Variants in NEBL observed in about 807,000 individuals in gnomAD.
NEBL encodes the protein LIM and SH3 protein 2.
NEBL carries 122 observed loss-of-function variants against 140.2 expected under a neutral mutation model. The observed-to-expected ratio is 0.87, with a 90% confidence interval of 0.75 to 1.01. NEBL has a LOEUF of 1.01. Among genes scored for constraint, NEBL ranks in the 50% least tolerant of loss-of-function variants. The pLI, the probability that NEBL is intolerant of heterozygous loss-of-function variation, is 0.00. For synonymous variants in NEBL, 436 were observed against 398.9 expected (o/e 1.09, Z -1.11); for missense variants, 1,365 against 1,231.3 (o/e 1.11, Z -1.62).
chr10:21,195,736 A>G (rs984890940), intron 3 of NEBL, among the ~76,000 whole-genome samples: 1 of 152,236 alleles, frequency 6.6e-6, no homozygotes, highest in African/African-American at 2.4e-5. Context: ...GTCAAGTTTA[A>G]AATAATCACA....
intron 3 of NEBL, among the ~76,000 whole-genome samples, chr10:21,208,808 C>T (rs1397772526): frequency 6.6e-6 from 1 of 152,134 alleles, no homozygotes; most frequent in African/African-American, 2.4e-5. Flanking sequence ...ACTGCAGGGG[C>T]CTGGGAAAAC....
chr10:20,845,122 G>T, intron 12 of NEBL, 136 bp downstream of exon 12: 1 of 605,170 alleles, frequency 1.7e-6, no homozygotes, highest in East Asian at 2.8e-5. Flanking sequence ...CACTTTATTA[G>T]TGAAGATCAA....
intron 3 of NEBL, among the ~76,000 whole-genome samples, chr10:21,183,516 G>A (rs1263551012): frequency 1.3e-5 from 2 of 152,116 alleles, no homozygotes; most frequent in African/African-American, 4.8e-5. Flanking sequence ...GCCCAGAAGT[G>A]AACAAAAACC....
intron 26 of NEBL, among the ~76,000 whole-genome samples, chr10:20,801,768 A>G (rs1837146836): frequency 6.6e-6 from 1 of 152,134 alleles, no homozygotes; most frequent in Non-Finnish European, 1.5e-5. Context: ...GCTATGAACA[A>G]TAAACTGAGA....
rs1272793757 is a variant in NEBL at position 20,783,379 on chromosome 10, A to G, written c.*2368T>C. The G allele has an allele frequency of 4.6e-5, 7 of 152,224 alleles. No homozygotes were observed. The highest frequency in any genetic ancestry group is 1.0e-4 in the Non-Finnish European group (7 of 68,042). The allele number at this position is 152,224 out of a possible 1,614,324, so 9.4% of individuals were successfully genotyped here. A position where few individuals can be genotyped will look rare whatever the true frequency, so the allele number is the denominator to read the frequency against. ...ACTACCCTTTAGTTAAATTCTGATC[A>G]GATCTTAATTCCTAAAGGCTTGAAG... On this transcript the variant is annotated 3_prime_UTR_variant, in exon 28 of 28. Transcript: ENST00000377122.
At chr10:20,823,906 G>A (rs765328272) in intron 18 of NEBL, among the ~76,000 whole-genome samples, 26 of 152,076 alleles carry the variant, frequency 1.7e-4, no homozygotes, top group East Asian at 5.8e-4. Flanking sequence ...GAAGGTCAGC[G>A]CCAGGAAGTC....
At chr10:21,197,115 G>GA (rs1304342161) in intron 3 of NEBL, among the ~76,000 whole-genome samples, 1 of 152,042 alleles carries the variant, frequency 6.6e-6, no homozygotes, top group Middle Eastern at 3.2e-3. Flanking sequence ...TTCCACTTGT[G>GA]AAAAAAATGG....
chr10:20,811,969 A>C (rs1838193785), intron 24 of NEBL, among the ~76,000 whole-genome samples: 1 of 152,154 alleles, frequency 6.6e-6, no homozygotes, highest in South Asian at 2.1e-4. Context: ...TCCTTCTAGG[A>C]TTTCTCCTGA....
chr10:20,814,420 AC>A (rs1178710641), intron 22 of NEBL, among the ~76,000 whole-genome samples: 4 of 150,728 alleles, frequency 2.7e-5, no homozygotes, highest in African/African-American at 7.3e-5. Context: ...GCACAGTGAA[AC>A]CCCCCATCTC....
intron 4 of NEBL, among the ~76,000 whole-genome samples, chr10:20,906,201 A>G (rs986004954): frequency 2.6e-5 from 4 of 152,210 alleles, no homozygotes; most frequent in African/African-American, 9.6e-5. Flanking sequence ...ACATTTCTAT[A>G]ATTACAGCTT....
intron 3 of NEBL, among the ~76,000 whole-genome samples, chr10:20,989,859 G>T (rs918899841): frequency 1.3e-5 from 2 of 152,108 alleles, no homozygotes; most frequent in Non-Finnish European, 2.9e-5. Context: ...AAAATTCAAA[G>T]AGTCAGTAAA....
At chr10:20,923,099 C>T (rs143500746) in intron 4 of NEBL, among the ~76,000 whole-genome samples, 1,583 of 152,136 alleles carry the variant, frequency 0.01, 22 homozygotes, top group African/African-American at 0.036. Flanking sequence ...GACAGGGTCT[C>T]GCTCTGTCAC....
At chr10:21,211,157 A>C (rs1841909156) in intron 3 of NEBL, among the ~76,000 whole-genome samples, 1 of 152,152 alleles carries the variant, frequency 6.6e-6, no homozygotes, top group African/African-American at 2.4e-5. Context: ...TAGGAAAGGA[A>C]AGGAAAATCC....
intron 7 of NEBL, among the ~76,000 whole-genome samples, chr10:20,863,709 G>A (rs946155736): frequency 1.3e-5 from 2 of 150,890 alleles, no homozygotes; most frequent in South Asian, 2.1e-4. Context: ...CCATAATAGT[G>A]GATCAAAGGC....
At chr10:21,150,143 C>T (rs185556153) in intron 2 of NEBL, among the ~76,000 whole-genome samples, 1 of 152,226 alleles carries the variant, frequency 6.6e-6, no homozygotes, top group African/African-American at 2.4e-5. Flanking sequence ...TATGAAATAA[C>T]GAAGGCCTCA....
In NEBL at chr10:21,115,512, C is replaced by T. The variant is rs543854054; in HGVS notation, c.164+56871G>A. 4.6e-5 allele frequency among the ~76,000 whole-genome samples: 7 copies of T among 151,458 alleles called. No homozygotes were observed. The South Asian group carries it at 1.3e-3, about 27-fold the overall frequency. On this transcript the variant is annotated intron_variant, in intron 2 of 6. Coordinates refer to the NEBL transcript ENST00000417816. ...CATCTATTCTTTAATTTTTTTTTCA[C>T]TTTGTATGGAAGTCTAGGTGAGAGT...
In NEBL at chr10:20,891,320, A is replaced by G. The variant is rs569075113; in HGVS notation, c.154-1371T>C. Among the ~76,000 whole-genome samples, 15 of 152,320 alleles carry G rather than the reference A, an allele frequency of 9.8e-5. No individual in the cohort carries two copies. The South Asian group carries it at 2.9e-3, about 29-fold the overall frequency. On this transcript the variant is annotated intron_variant, in intron 2 of 27. Coordinates refer to ENST00000377122, the MANE Select transcript of NEBL (RefSeq NM_006393.3). Reference sequence around the variant, plus strand: ...TTTTTTTTCTTCTCAGAGATTAGCCATAATTTTAGGTTCCTGCAAATCACC... The same window carrying G: ...TTTTTTTTCTTCTCAGAGATTAGCCGTAATTTTAGGTTCCTGCAAATCACC...
intron 26 of NEBL, among the ~76,000 whole-genome samples, chr10:20,803,513 T>G (rs931928892): frequency 5.3e-5 from 8 of 152,116 alleles, no homozygotes; most frequent in African/African-American, 1.9e-4. Context: ...GTAAATAAAT[T>G]TAAAAGAATC....
chr10:21,088,040 CAA>C (rs748907286), intron 2 of NEBL, among the ~76,000 whole-genome samples: 8 of 152,190 alleles, frequency 5.3e-5, no homozygotes, highest in Non-Finnish European at 5.9e-5. Flanking sequence ...ATGGAACAAA[CAA>C]AGTGAAGCTT....
Sources: gnomAD v4.1 joint callset for allele counts (sites outside exome capture counted in the v4.1 genomes callset) on GRCh38, gnomAD v4.1.1 for gene constraint, MANE v1.5 for transcripts, NCBI Gene and HGNC (gene_info 2026-07-23, HGNC 2026-07-21) for gene names.